TMEM132D: variants seen among roughly 807,000 people sequenced by gnomAD.
The protein encoded by TMEM132D is transmembrane protein 132D.
A neutral mutation model predicts 62.3 loss-of-function variants in TMEM132D; 21 were observed. The observed-to-expected ratio is 0.34, with a 90% CI of 0.24 to 0.49. The LOEUF (loss-of-function observed/expected upper bound fraction) is 0.49. Ranked by LOEUF, TMEM132D falls within the 20% of genes least tolerant of loss-of-function variation. The pLI is 0.99. For synonymous variants in TMEM132D, 621 were observed against 575.6 expected (o/e 1.08, Z -1.13); for missense variants, 1,346 against 1,402.8 (o/e 0.96, Z 0.65).
Position 129,273,179 on chromosome 12 carries a change from G to A in TMEM132D, c.1300-63516C>T, listed in dbSNP as rs569902676. On this transcript the variant is annotated intron_variant, in intron 4 of 8. Transcript: ENST00000422113. ...CCCCTGCACGCCAGACTGGGTGACA[G>A]AGTGAGATTCTGTTTCCAAACAAAC... 1.0e-3 allele frequency among the ~76,000 whole-genome samples: 159 copies of A among 151,778 alleles called. No homozygotes were observed. In the South Asian group the frequency reaches 0.011, roughly 10 times the overall value.
chr12:129,864,973 T>C (rs1874012876), intron 1 of TMEM132D, among the ~76,000 whole-genome samples: 1 of 152,102 alleles, frequency 6.6e-6, no homozygotes, highest in East Asian at 1.9e-4. Context: ...TGTGAGCTCA[T>C]CATGAAGCCT....
intron 3 of TMEM132D, among the ~76,000 whole-genome samples, chr12:129,418,755 AGTGGG>A (rs1446813992): frequency 1.3e-5 from 2 of 149,794 alleles, no homozygotes; most frequent in African/African-American, 4.9e-5. Context: ...ATAAAAGAAA[AGTGGG>A]GCCTCTACAG....
intron 4 of TMEM132D, among the ~76,000 whole-genome samples, chr12:129,319,482 G>A (rs1046023861): frequency 7.9e-5 from 12 of 152,166 alleles, no homozygotes; most frequent in Non-Finnish European, 1.3e-4. Context: ...GGAGCAGTCC[G>A]CTTCCTTCAG....
At chr12:129,081,106 T>C (rs1038321495) in intron 7 of TMEM132D, among the ~76,000 whole-genome samples, 15 of 152,214 alleles carry the variant, frequency 9.9e-5, no homozygotes, top group African/African-American at 3.4e-4. Context: ...AGCAGGAAGT[T>C]GCTGGCCGTG....
rs1874120699 is a variant in TMEM132D, at chr12:129,072,944, ATG to A, written c.*929_*930del. On this transcript the variant is annotated 3_prime_UTR_variant, in exon 9 of 9. Transcript: ENST00000422113. ...GTTGCGGGGGGAGCTTCTCTACAGA[ATG>A]TCACTTGGGAGTTGACACAAAACCC... 1 of 152,204 alleles carries A rather than the reference ATG, an allele frequency of 6.6e-6. No homozygotes were observed. Among genetic ancestry groups the A allele is most frequent in the African/African-American group, 2.4e-5 (1 of 41,448 alleles). The allele number at this position is 152,204 out of a possible 1,614,324, so 9.4% of individuals were successfully genotyped here. A position where few individuals can be genotyped will look rare whatever the true frequency, so the allele number is the denominator to read the frequency against.
intron 3 of TMEM132D, among the ~76,000 whole-genome samples, chr12:129,530,468 T>C (rs1876184339): frequency 1.3e-5 from 2 of 152,182 alleles, no homozygotes. Flanking sequence ...GAGCCTCCCT[T>C]TGCCCAGCTG....
intron 1 of TMEM132D, among the ~76,000 whole-genome samples, chr12:129,739,325 G>A (rs767894342): frequency 3.9e-5 from 6 of 152,226 alleles, no homozygotes; most frequent in Admixed American, 1.3e-4. Context: ...AATTCCCACC[G>A]CCTGATGAAC....
chr12:129,713,459 G>C (rs1263015300), intron 1 of TMEM132D, among the ~76,000 whole-genome samples: 3 of 151,874 alleles, frequency 2.0e-5, no homozygotes, highest in Non-Finnish European at 4.4e-5. Context: ...ATGCAAAGGA[G>C]CTTTGTGTGT....
At chr12:129,552,438 TCTAC>T (rs940477626) in intron 2 of TMEM132D, among the ~76,000 whole-genome samples, 3 of 152,148 alleles carry the variant, frequency 2.0e-5, no homozygotes, top group South Asian at 2.1e-4. Flanking sequence ...CATCTATCCA[TCTAC>T]CTACCTACCT....
intron 2 of TMEM132D, among the ~76,000 whole-genome samples, chr12:129,562,045 C>A (rs1414990729): frequency 5.3e-5 from 8 of 152,126 alleles, no homozygotes; most frequent in Non-Finnish European, 1.0e-4. Flanking sequence ...TAAAAACCTT[C>A]TTGAGGAACA....
intron 7 of TMEM132D, among the ~76,000 whole-genome samples, chr12:129,081,084 G>A (rs911282931): frequency 2.0e-5 from 3 of 152,176 alleles, no homozygotes; most frequent in Non-Finnish European, 2.9e-5. Flanking sequence ...GCTCAGTGGC[G>A]GAAAGTGGCT....
At chr12:129,184,224 G>A (rs138412066) in intron 5 of TMEM132D, among the ~76,000 whole-genome samples, 231 of 152,226 alleles carry the variant, frequency 1.5e-3, no homozygotes, top group Admixed American at 4.1e-3. Flanking sequence ...CCATGCAGGC[G>A]GAGGGGCATG....
intron 1 of TMEM132D, among the ~76,000 whole-genome samples, chr12:129,871,610 A>T (rs756476021): frequency 5.9e-5 from 9 of 152,112 alleles, no homozygotes. Flanking sequence ...AAGTGTCTCA[A>T]TATTGGTTCT....
intron 5 of TMEM132D, among the ~76,000 whole-genome samples, chr12:129,094,681 G>T: frequency 6.6e-6 from 1 of 152,024 alleles, no homozygotes; most frequent in African/African-American, 2.4e-5. Context: ...CCTATTACTG[G>T]GTATATACCC....
intron 1 of TMEM132D, among the ~76,000 whole-genome samples, chr12:129,819,455 C>T (rs370155846): frequency 1.3e-5 from 2 of 152,134 alleles, no homozygotes; most frequent in East Asian, 1.9e-4. Context: ...TGCAAGCAAG[C>T]CCCCAGTTCC....
intron 3 of TMEM132D, among the ~76,000 whole-genome samples, chr12:129,357,268 A>AG (rs1229799822): frequency 2.0e-5 from 3 of 150,272 alleles, no homozygotes; most frequent in Non-Finnish European, 4.4e-5. Context: ...AAGAAAAGAA[A>AG]GAAGGGAGGG....
chr12:129,403,240 T>C (rs549371553), intron 3 of TMEM132D, among the ~76,000 whole-genome samples: 14 of 148,880 alleles, frequency 9.4e-5, no homozygotes, highest in African/African-American at 3.0e-4. Flanking sequence ...GCGAAGGTGA[T>C]TGCTCCAGCC....
chr12:129,885,798 T>A (rs1874733357), intron 1 of TMEM132D, among the ~76,000 whole-genome samples: 1 of 152,362 alleles, frequency 6.6e-6, no homozygotes, highest in African/African-American at 2.4e-5. Flanking sequence ...TCCATTGGAA[T>A]ATAAATAACA....
At chr12:129,822,258 G>A (rs188846535) in intron 1 of TMEM132D, among the ~76,000 whole-genome samples, 1,829 of 152,178 alleles carry the variant, frequency 0.012, 19 homozygotes, top group Non-Finnish European at 0.019. Flanking sequence ...GAGACCTGCC[G>A]GGGTCCTGAA....
Sources: gnomAD v4.1 joint callset for allele counts (sites outside exome capture counted in the v4.1 genomes callset) on GRCh38, gnomAD v4.1.1 for gene constraint, MANE v1.5 for transcripts, NCBI Gene and HGNC (gene_info 2026-07-23, HGNC 2026-07-21) for gene names.